Variants in DOCK1 observed in about 807,000 individuals in gnomAD.
DOCK1 encodes the protein dedicator of cytokinesis 1.
Under a neutral mutation model 262.7 loss-of-function variants are expected in DOCK1, and 138 were observed. The ratio of observed to expected loss-of-function variants is 0.53; its 90% CI spans 0.46 to 0.61. DOCK1 has a LOEUF of 0.61. Ranked by LOEUF, DOCK1 falls within the 20% of genes least tolerant of loss-of-function variation. The pLI is 0.00. For missense variants in DOCK1, 1,908 were observed against 2,370.7 expected, an observed-to-expected ratio of 0.80 and a Z score of 4.05; for synonymous variants, 866 against 867.4, an observed-to-expected ratio of 1.00 and a Z score of 0.03.
chr10:127,138,324 T>G (rs776838532), intron 27 of DOCK1, among the ~76,000 whole-genome samples: 19 of 152,176 alleles, frequency 1.2e-4, no homozygotes, highest in Non-Finnish European at 2.4e-4. Context: ...AACCCCATTG[T>G]TTGTCCACAG....
chr10:127,038,505 A>G (rs1390917385), intron 19 of DOCK1, among the ~76,000 whole-genome samples: 1 of 151,994 alleles, frequency 6.6e-6, no homozygotes, highest in African/African-American at 2.4e-5. Flanking sequence ...AGGTCTTTTT[A>G]CTGTTGTCAT....
At chr10:127,417,559 A>G (rs991742345) in intron 44 of DOCK1, among the ~76,000 whole-genome samples, 1 of 152,132 alleles carries the variant, frequency 6.6e-6, no homozygotes, top group Admixed American at 6.5e-5. Flanking sequence ...TCCCGACCCC[A>G]GGGGCCATGA....
At chr10:127,413,705 G>A (rs564670442) in intron 43 of DOCK1, among the ~76,000 whole-genome samples, 2 of 152,274 alleles carry the variant, frequency 1.3e-5, no homozygotes, top group Non-Finnish European at 2.9e-5. Flanking sequence ...ACTGGAATCT[G>A]GTCTAGAGGT....
intron 19 of DOCK1, 30 bp downstream of exon 19, chr10:127,037,846 G>A: frequency 1.4e-6 from 2 of 1,401,422 alleles, no homozygotes; most frequent in Non-Finnish European, 1.9e-6. Context: ...GACTTTTTGG[G>A]TCTTTTTTTT....
chr10:127,103,856 A>G (rs1009346579), intron 23 of DOCK1, among the ~76,000 whole-genome samples: 13 of 152,344 alleles, frequency 8.5e-5, no homozygotes, highest in South Asian at 2.1e-4. Flanking sequence ...ATGTTTACCT[A>G]TGAGAAACTG....
At chr10:127,372,164 C>T (rs1032955382) in intron 33 of DOCK1, among the ~76,000 whole-genome samples, 1 of 152,238 alleles carries the variant, frequency 6.6e-6, no homozygotes, top group Non-Finnish European at 1.5e-5. Context: ...ATCAGTACTT[C>T]TCTCCAGCCC....
chr10:127,371,758 C>T (rs1183585122), intron 33 of DOCK1, among the ~76,000 whole-genome samples: 2 of 152,226 alleles, frequency 1.3e-5, no homozygotes, highest in Non-Finnish European at 2.9e-5. Context: ...GATCATGGCA[C>T]CATCTGGGAG....
intron 29 of DOCK1, among the ~76,000 whole-genome samples, chr10:127,337,234 T>C (rs2063240831): frequency 6.6e-6 from 1 of 152,176 alleles, no homozygotes; most frequent in Non-Finnish European, 1.5e-5. Context: ...GGTTGCTGCA[T>C]GTACATCCTC....
intron 31 of DOCK1, among the ~76,000 whole-genome samples, chr10:127,347,834 CT>C (rs2063706029): frequency 3.2e-4 from 9 of 28,206 alleles, no homozygotes; most frequent in African/African-American, 1.4e-3. Flanking sequence ...ACCCCTCAGC[CT>C]TCCCTTCCCT....
intron 29 of DOCK1, among the ~76,000 whole-genome samples, chr10:127,269,011 C>T (rs113267319): frequency 1.3e-5 from 2 of 152,116 alleles, no homozygotes; most frequent in Non-Finnish European, 2.9e-5. Flanking sequence ...CCAGAGGCCA[C>T]CTTCAGTACA....
At chr10:126,968,762 C>T (rs970333225) in intron 1 of DOCK1, among the ~76,000 whole-genome samples, 1 of 152,182 alleles carries the variant, frequency 6.6e-6, no homozygotes, top group Non-Finnish European at 1.5e-5. Context: ...TACGGTCATG[C>T]TGAGCTGGGG....
chr10:127,349,746 C>G (rs887891523), intron 31 of DOCK1, among the ~76,000 whole-genome samples: 1 of 152,182 alleles, frequency 6.6e-6, no homozygotes, highest in Non-Finnish European at 1.5e-5. Context: ...TTCCCTGCCT[C>G]TCTCCTGGCT....
At chr10:127,014,498 G>A (rs1416502337) in intron 12 of DOCK1, among the ~76,000 whole-genome samples, 3 of 152,198 alleles carry the variant, frequency 2.0e-5, no homozygotes, top group Admixed American at 6.5e-5. Flanking sequence ...TCTGAGAAAG[G>A]TGTTTGAAAC....
intron 12 of DOCK1, among the ~76,000 whole-genome samples, chr10:127,017,627 G>A (rs750191437): frequency 7.9e-5 from 12 of 151,904 alleles, no homozygotes; most frequent in Non-Finnish European, 1.0e-4. Context: ...AGGCATGCGC[G>A]CATACCCATG....
intron 30 of DOCK1, among the ~76,000 whole-genome samples, chr10:127,340,522 C>T (rs1373714671): frequency 6.6e-6 from 1 of 152,124 alleles, no homozygotes; most frequent in Non-Finnish European, 1.5e-5. Context: ...AGGCTGTTTC[C>T]AGGTGTTTAC....
intron 23 of DOCK1, among the ~76,000 whole-genome samples, chr10:127,065,803 G>T (rs1159781042): frequency 6.6e-6 from 1 of 151,872 alleles, no homozygotes; most frequent in African/African-American, 2.4e-5. Context: ...GCAGTGAGCC[G>T]AGATCGCGCC....
chr10:126,951,455 TTGGTAGTAG>T (rs2036233209), intron 1 of DOCK1, among the ~76,000 whole-genome samples: 1 of 150,970 alleles, frequency 6.6e-6, no homozygotes, highest in Admixed American at 6.6e-5. Context: ...GTTGGTAGTA[TTGGTAGTAG>T]TGGTAGTATT....
intron 44 of DOCK1, among the ~76,000 whole-genome samples, chr10:127,415,901 A>T (rs1230753641): frequency 2.9e-5 from 4 of 139,806 alleles, no homozygotes; most frequent in African/African-American, 1.1e-4. Context: ...ATATAAAAAC[A>T]TCTGATTGAA....
At chr10:127,275,170 C>T (rs2060699260) in intron 29 of DOCK1, among the ~76,000 whole-genome samples, 1 of 152,026 alleles carries the variant, frequency 6.6e-6, no homozygotes, top group Non-Finnish European at 1.5e-5. Flanking sequence ...AGGCTAATGC[C>T]TCAGGGCTCT....
Sources: allele counts gnomAD v4.1 joint callset (sites outside exome capture counted in the v4.1 genomes callset), GRCh38; gene constraint gnomAD v4.1.1; transcripts MANE v1.5; gene names NCBI Gene and HGNC (gene_info 2026-07-23, HGNC 2026-07-21).